The following TMEM181 variants were observed in gnomAD, a reference collection of about 807,000 sequenced individuals.
TMEM181 encodes G protein-coupled receptor 178.
TMEM181 carries 39 observed loss-of-function variants against 71.9 expected under a neutral mutation model. The observed-to-expected ratio is 0.54, with a 90% CI of 0.42 to 0.71. The LOEUF (loss-of-function observed/expected upper bound fraction) is 0.71, where lower values mean the gene tolerates loss of function less well. Ranked by LOEUF, TMEM181 falls within the 30% of genes least tolerant of loss-of-function variation. The pLI is 0.00. For missense variants in TMEM181, 595 were observed against 583.0 expected (o/e 1.02, Z -0.21); for synonymous variants, 245 against 228.8 (o/e 1.07, Z -0.64).
At chr6:158,563,702 T>G (rs1365778801) in intron 1 of TMEM181, among the ~76,000 whole-genome samples, 1 of 152,222 alleles carries the variant, frequency 6.6e-6, no homozygotes, top group Non-Finnish European at 1.5e-5. Flanking sequence ...GGGCTTGCAA[T>G]CTGGAAAGGA....
chr6:158,539,373 T>A (rs960134421), intron 1 of TMEM181, among the ~76,000 whole-genome samples: 2 of 152,204 alleles, frequency 1.3e-5, no homozygotes, highest in African/African-American at 4.8e-5. Flanking sequence ...GGTGAAATAC[T>A]CGGGTTTCTA....
chr6:158,629,206 T>C (rs1786523246), intron 14 of TMEM181, among the ~76,000 whole-genome samples: 1 of 152,226 alleles, frequency 6.6e-6, no homozygotes, highest in South Asian at 2.1e-4. Context: ...GGATTTCTTA[T>C]GTCCCAGTTA....
chr6:158,560,814 G>A (rs1346456823), intron 1 of TMEM181, among the ~76,000 whole-genome samples: 5 of 10,320 alleles, frequency 4.8e-4, no homozygotes, highest in Non-Finnish European at 7.9e-4. Context: ...CTGACTTTGG[G>A]CTTTTTTTTT....
At chr6:158,579,596 G>A (rs902004572) in intron 2 of TMEM181, among the ~76,000 whole-genome samples, 3 of 151,830 alleles carry the variant, frequency 2.0e-5, no homozygotes, top group African/African-American at 7.3e-5. Flanking sequence ...GTAAGCACCT[G>A]TAATCCCAGC....
intron 10 of TMEM181, chr6:158,610,969 G>GT: frequency 4.8e-6 from 2 of 418,756 alleles, no homozygotes; most frequent in South Asian, 2.1e-5. Context: ...GAGATCTCCA[G>GT]ATCAGACCAG....
At chr6:158,581,826 A>C (rs539896280) in intron 3 of TMEM181, among the ~76,000 whole-genome samples, 1 of 147,696 alleles carries the variant, frequency 6.8e-6, no homozygotes, top group East Asian at 2.1e-4. Flanking sequence ...TTTCAATTGG[A>C]GAATTTTGGT....
At chr6:158,569,485 A>G (rs1250052748) in intron 1 of TMEM181, among the ~76,000 whole-genome samples, 3 of 152,210 alleles carry the variant, frequency 2.0e-5, no homozygotes, top group Non-Finnish European at 4.4e-5. Context: ...AAAATTTCTA[A>G]TAAGTTGGAC....
At chr6:158,556,903 C>T (rs1393669972), upstream of TMEM181, among the ~76,000 whole-genome samples, 2 of 152,264 alleles carry the variant, frequency 1.3e-5, no homozygotes, top group East Asian at 1.9e-4. Flanking sequence ...GCTGGGATTA[C>T]AGGCACCTGC....
At chr6:158,599,313 G>C (rs1784548023) in intron 6 of TMEM181, among the ~76,000 whole-genome samples, 1 of 152,206 alleles carries the variant, frequency 6.6e-6, no homozygotes. Context: ...GAGTGGCCCA[G>C]GGTATGGTGT....
At position 158,550,200 on chromosome 6, in the gene TMEM181, A is replaced by T. The variant is rs145079376; in HGVS notation, c.131+13335A>T. ...TTCAGCCACATTTGGGCAACAAGGG[A>T]GCTTTGAAGGGACTGGCTGTGAGGC... On this transcript the variant is annotated intron_variant, in intron 1 of 16. Transcript: ENST00000367090. Among the ~76,000 whole-genome samples, 629 of 151,518 alleles carry T rather than the reference A, an allele frequency of 4.2e-3. 5 individuals are homozygous for T. Among genetic ancestry groups the T allele is most frequent in the African/African-American group, 0.014 (594 of 41,358 alleles).
At chr6:158,585,887 C>T (rs1783740831) in intron 5 of TMEM181, among the ~76,000 whole-genome samples, 1 of 152,140 alleles carries the variant, frequency 6.6e-6, no homozygotes, top group African/African-American at 2.4e-5. Flanking sequence ...TGCAGTGGCA[C>T]AATCACAGCT....
At chr6:158,622,393 C>A (rs1786016151) in intron 10 of TMEM181, among the ~76,000 whole-genome samples, 1 of 151,998 alleles carries the variant, frequency 6.6e-6, no homozygotes, top group Non-Finnish European at 1.5e-5. Flanking sequence ...TGCTCCTGAG[C>A]TTCCTGTGAT....
At chr6:158,565,643 G>A (rs1489947264) in intron 1 of TMEM181, among the ~76,000 whole-genome samples, 1 of 152,222 alleles carries the variant, frequency 6.6e-6, no homozygotes, top group Non-Finnish European at 1.5e-5. Flanking sequence ...GGAAGAGTGA[G>A]TTAGTAAAAA....
chr6:158,547,745 C>T (rs1276744005), intron 1 of TMEM181, among the ~76,000 whole-genome samples: 1 of 152,044 alleles, frequency 6.6e-6, no homozygotes, highest in East Asian at 1.9e-4. Flanking sequence ...ATATCCACCT[C>T]CCGTCTCCCA....
chr6:158,600,310 G>A (rs1032774087), intron 6 of TMEM181, among the ~76,000 whole-genome samples: 2 of 151,778 alleles, frequency 1.3e-5, no homozygotes, highest in Non-Finnish European at 2.9e-5. Context: ...ACAGACATGC[G>A]CCACCACGTC....
intron 1 of TMEM181, among the ~76,000 whole-genome samples, chr6:158,572,710 A>G (rs1210749864): frequency 3.3e-5 from 5 of 152,118 alleles, no homozygotes; most frequent in African/African-American, 1.2e-4. Context: ...CCTGCCTCCT[A>G]GAGTTTTCCT....
Position 158,592,334 on chromosome 6 carries a change from T to G in TMEM181, c.492+2552T>G, listed in dbSNP as rs146089650. Among the ~76,000 whole-genome samples the G allele has an allele frequency of 1.2e-3, 185 of 152,322 alleles. 1 individual carries two copies. The highest frequency in any genetic ancestry group is 3.9e-3 in the African/African-American group (164 of 41,576). On this transcript the variant is annotated intron_variant, in intron 6 of 16. Coordinates refer to ENST00000684151, the MANE Select transcript of TMEM181 (RefSeq NM_001376852.1). The stretch of plus-strand genomic sequence containing the variant: ...TTAGAGAGTTCAAGAATGAATGTCT[T>G]TTTTCAACCAATCAATTTTCATAGA...
At chr6:158,541,457 T>C (rs575191164) in intron 1 of TMEM181, among the ~76,000 whole-genome samples, 30 of 151,942 alleles carry the variant, frequency 2.0e-4, no homozygotes, top group Admixed American at 3.9e-4. Context: ...AAAAGAATTA[T>C]CTTAGAGCAG....
intron 6 of TMEM181, among the ~76,000 whole-genome samples, chr6:158,590,389 GCTTTAT>G (rs1784039785): frequency 6.7e-6 from 1 of 150,320 alleles, no homozygotes; most frequent in Admixed American, 6.6e-5. Flanking sequence ...AAAAAAAACA[GCTTTAT>G]CAAAGTAGAA....
Sources: gnomAD v4.1 joint callset for allele counts (sites outside exome capture counted in the v4.1 genomes callset) on GRCh38, gnomAD v4.1.1 for gene constraint, MANE v1.5 for transcripts, NCBI Gene and HGNC (gene_info 2026-07-23, HGNC 2026-07-21) for gene names.